ZFYVE26: variants seen among roughly 807,000 people sequenced by gnomAD.
ZFYVE26 encodes the protein zinc finger FYVE-type containing 26.
ZFYVE26 carries 181 observed loss-of-function variants against 276.5 expected under a neutral mutation model. That is an observed-to-expected ratio of 0.65 (90% CI 0.58 to 0.74). The LOEUF is 0.74. Among genes scored for constraint, ZFYVE26 ranks in the 30% least tolerant of loss-of-function variants. The pLI, the probability that ZFYVE26 is intolerant of heterozygous loss-of-function variation, is 0.00. For missense variants in ZFYVE26, 2,821 were observed against 3,097.9 expected, an observed-to-expected ratio of 0.91 and a Z score of 2.12; for synonymous variants, 1,129 against 1,203.1, an observed-to-expected ratio of 0.94 and a Z score of 1.27.
chr14:67,730,054 G>A (rs2038249370), intron 13 of ZFYVE26, among the ~76,000 whole-genome samples: 1 of 152,242 alleles, frequency 6.6e-6, no homozygotes. Context: ...GAATGGATAA[G>A]TGATAATAGC....
At chr14:67,779,350 G>A (rs1386976627) in intron 23 of ZFYVE26, among the ~76,000 whole-genome samples, 1 of 152,114 alleles carries the variant, frequency 6.6e-6, no homozygotes, top group Non-Finnish European at 1.5e-5. Flanking sequence ...ATCACTTGAG[G>A]TCAGGAGTTC....
intron 10 of ZFYVE26, 86 bp from the exon 11 acceptor site, chr14:67,798,708 C>T: frequency 6.5e-7 from 1 of 1,548,960 alleles, no homozygotes; most frequent in Non-Finnish European, 8.9e-7. Flanking sequence ...CAGCGTCAAA[C>T]ATTCTCGCAA....
intron 10 of ZFYVE26, among the ~76,000 whole-genome samples, chr14:67,800,743 A>G (rs1304763078): frequency 6.6e-6 from 1 of 152,166 alleles, no homozygotes; most frequent in Non-Finnish European, 1.5e-5. Context: ...TATTAAATAT[A>G]CCATATGCAT....
At chr14:67,750,817 G>A (rs2038617047) in intron 41 of ZFYVE26, 2 of 611,146 alleles carry the variant, frequency 3.3e-6, no homozygotes, top group Non-Finnish European at 3.0e-6. Context: ...GGACATGTTT[G>A]TCTTGGGGAT....
chr14:67,745,571 C>T (rs563029363), downstream of ZFYVE26, among the ~76,000 whole-genome samples: 1 of 151,812 alleles, frequency 6.6e-6, no homozygotes, highest in South Asian at 2.1e-4. Context: ...AAGTATCATA[C>T]TGCAAACATA....
chr14:67,753,950 T>C lies in ZFYVE26; in HGVS notation c.7128+121A>G, dbSNP rs1218010039. The stretch of plus-strand genomic sequence containing the variant: ...CTGATCACCAGTCTTTGGTGGCTCA[T>C]ATTCTAGTGGGGAGGCAGCCATCAA... On this transcript the variant is annotated intron_variant, in intron 38 of 41. Transcript: ENST00000347230. 17 of 1,550,886 alleles carry C rather than the reference T, an allele frequency of 1.1e-5. No individual in the cohort carries two copies. The Admixed American group carries it at 2.5e-4, about 23-fold the overall frequency.
In ZFYVE26 at chr14:67,775,540, A is replaced by T. The variant is rs556338500; in HGVS notation, c.5221+320T>A. Reference sequence around the variant, plus strand: ...CGATGTGATCCTGGGAATAAGGCATACTCTCAATACCAAATGATGGCACTG... The same window carrying T: ...CGATGTGATCCTGGGAATAAGGCATTCTCTCAATACCAAATGATGGCACTG... On this transcript the variant is annotated intron_variant, in intron 26 of 41. Transcript: ENST00000347230. Among the ~76,000 whole-genome samples the T allele has an allele frequency of 3.0e-4, 46 of 152,298 alleles. No homozygotes were observed. In the East Asian group the frequency reaches 6.6e-3, roughly 22 times the overall value.
intron 11 of ZFYVE26, 81 bp downstream of exon 11, chr14:67,797,933 G>A: frequency 1.9e-6 from 3 of 1,607,346 alleles, no homozygotes; most frequent in Non-Finnish European, 2.5e-6. Context: ...TGACTCCTAT[G>A]TACTCCTAGC....
rs771972941 is a variant in ZFYVE26 at position 67,798,348 on chromosome 14, T to G, written c.1914A>C (p.Pro638=). Residue 638 remains proline, a synonymous_variant, in exon 11 of 42, where the codon CCA becomes CCC. Coordinates refer to ENST00000347230, the MANE Select transcript of ZFYVE26 (RefSeq NM_015346.4). The part of the protein sequence containing the change: ...RKSERGSLGV[P]KTLAYTMPSH... ...TTGGCATTGTATAAGCAAGGGTCTTTGGGACTCCCAGGGAACCCCGTTCTG... is the reference window on the plus strand; with the variant it reads ...TTGGCATTGTATAAGCAAGGGTCTTGGGGACTCCCAGGGAACCCCGTTCTG... The G allele has an allele frequency of 1.2e-6, 2 of 1,611,168 alleles. No individual in the cohort carries two copies.
Position 67,804,152 on chromosome 14 carries a change from C to T in ZFYVE26, c.1384G>A (p.Val462Ile). 6.2e-7 allele frequency: 1 copy of T among 1,614,202 alleles called. No individual in the cohort carries two copies. The highest frequency in any genetic ancestry group is 8.5e-7 in the Non-Finnish European group (1 of 1,180,038). Reference sequence around the variant, plus strand: ...GGCACTTTCTGTAAGAGCTTGAGAACATCTTCCTCCCTGAGGGCTGGAAGG... The same window carrying T: ...GGCACTTTCTGTAAGAGCTTGAGAATATCTTCCTCCCTGAGGGCTGGAAGG... ...TNLPALREED[V>I]LKLLQKVPAK... Residue 462 changes from valine (V) to isoleucine (I), a missense_variant, in exon 9 of 42, where the codon GTT becomes ATT. Val to Ile is a conservative substitution (Grantham distance 29, BLOSUM62 3). Transcript: ENST00000347230.
At chr14:67,805,406 C>T (rs1041848587) in intron 7 of ZFYVE26, 48 bp downstream of exon 7, 4 of 1,613,850 alleles carry the variant, frequency 2.5e-6, no homozygotes, top group African/African-American at 2.7e-5. Context: ...GCCCGAAGCC[C>T]CACGTCTCTC....
At chr14:67,737,021 C>T (rs1312732476) in intron 13 of ZFYVE26, among the ~76,000 whole-genome samples, 2 of 151,472 alleles carry the variant, frequency 1.3e-5, no homozygotes, top group Admixed American at 1.3e-4. Flanking sequence ...AAAAACTCAG[C>T]TGAGAGTTGG....
chr14:67,778,244 T>G lies in ZFYVE26; in HGVS notation c.4679A>C (p.Tyr1560Ser). The G allele has an allele frequency of 1.2e-6, 2 of 1,614,168 alleles. No individual in the cohort carries two copies. Among genetic ancestry groups the G allele is most frequent in the South Asian group, 2.2e-5 (2 of 91,084 alleles). ...GCAGCCCCACTCTTCACACAGTTCATACTCCTGGAAGGAAACACACATGCC... is the reference window on the plus strand; with the variant it reads ...GCAGCCCCACTCTTCACACAGTTCAGACTCCTGGAAGGAAACACACATGCC... ...VMNMILEAQE[Y>S]ELCEEWGCLY... The change falls in exon 24 of 42, where the codon TAT (tyrosine) becomes TCT (serine). Residue 1560 changes from tyrosine to serine, a missense_variant. Transcript: ENST00000347230.
chr14:67,807,434 T>C lies in ZFYVE26; in HGVS notation c.850A>G (p.Thr284Ala), dbSNP rs2040203913. Residue 284 changes from threonine to alanine, a missense_variant, in exon 5 of 42, where the codon ACA (threonine) becomes GCA (alanine). Coordinates refer to ENST00000347230, the MANE Select transcript of ZFYVE26 (RefSeq NM_015346.4). ...GCTGTAGCCCTCGGTGGCTTTTCTG[T>C]GACCTTCTCTGCATAGGTATGGCCA... is the stretch of plus-strand genomic sequence containing the variant. ...LYGHTYAEKVTEKPPRATASG... is the reference protein window; with the variant it reads ...LYGHTYAEKVAEKPPRATASG... The C allele has an allele frequency of 6.2e-7, 1 of 1,614,072 alleles. No individual in the cohort carries two copies. Among genetic ancestry groups the C allele is most frequent in the African/African-American group, 1.3e-5 (1 of 74,930 alleles).
chr14:67,809,781 T>C (rs2040260798), intron 3 of ZFYVE26, among the ~76,000 whole-genome samples: 1 of 86,888 alleles, frequency 1.2e-5, no homozygotes. Flanking sequence ...TATTCTTTTC[T>C]CTTTTTTTTT....
chr14:67,799,172 T>G, intron 10 of ZFYVE26: 2 of 1,585,514 alleles, frequency 1.3e-6, no homozygotes, highest in Non-Finnish European at 1.7e-6. Flanking sequence ...CATTCAAGCT[T>G]TTGAAAAGAC....
chr14:67,747,122 G>C lies in ZFYVE26; in HGVS notation c.*1314C>G, dbSNP rs2038504206. 1 of 152,634 alleles carries C rather than the reference G, an allele frequency of 6.6e-6. No individual in the cohort carries two copies. The highest frequency in any genetic ancestry group is 1.5e-5 in the Non-Finnish European group (1 of 68,048). The allele number at this position is 152,634 out of a possible 1,614,324, so 9.5% of individuals were successfully genotyped here. A position where few individuals can be genotyped will look rare whatever the true frequency, so the allele number is the denominator to read the frequency against. On this transcript the variant is annotated 3_prime_UTR_variant, in exon 42 of 42. Transcript: ENST00000347230. Reference sequence around the variant, plus strand: ...TGAGCTCTGGCCAGTGAGAGGTTCAGAGCTGCAGAGCTTTCTTTAGGCCCC... The same window carrying C: ...TGAGCTCTGGCCAGTGAGAGGTTCACAGCTGCAGAGCTTTCTTTAGGCCCC...
rs2039681339 is a variant in ZFYVE26 at position 67,787,185 on chromosome 14, G to C, written c.3020-952C>G. Among the ~76,000 whole-genome samples, 3 of 151,916 alleles carry C rather than the reference G, an allele frequency of 2.0e-5. 1 individual carries two copies. The highest frequency in any genetic ancestry group is 2.0e-4 in the Admixed American group (3 of 15,228). ...ATGGTGAAACCCCTTCTCTACTAAA[G>C]ATACAAAAATTAGCTGGGCGTGGTG... On this transcript the variant is annotated intron_variant, in intron 16 of 41. Coordinates refer to ENST00000347230, the MANE Select transcript of ZFYVE26 (RefSeq NM_015346.4).
chr14:67,762,779 C>T lies in ZFYVE26; in HGVS notation c.6052G>A (p.Ala2018Thr). ...AAAGATGGCACGTGGCGATAGGCAG[C>T]AGCAACTAAAATATTCAGCACATCT... ...KVDVLNILVA[A>T]AYRHVPSLDQ... The change falls in exon 33 of 42, where the codon GCT becomes ACT. Residue 2018 changes from alanine (A) to threonine (T), a missense_variant. Coordinates refer to ENST00000347230, the MANE Select transcript of ZFYVE26 (RefSeq NM_015346.4). 1 of 1,614,200 alleles carries T rather than the reference C, an allele frequency of 6.2e-7. No homozygotes were observed. The highest frequency in any genetic ancestry group is 8.5e-7 in the Non-Finnish European group (1 of 1,180,054).
Sources: gnomAD v4.1 joint callset for allele counts (sites outside exome capture counted in the v4.1 genomes callset) on GRCh38, gnomAD v4.1.1 for gene constraint, MANE v1.5 for transcripts, NCBI Gene and HGNC (gene_info 2026-07-23, HGNC 2026-07-21) for gene names.